Variants in FGF12 observed in about 807,000 individuals in gnomAD.
The protein encoded by FGF12 is fibroblast growth factor 12B.
In FGF12, 14 loss-of-function variants were observed where a neutral mutation model predicts 23.6. That is an observed-to-expected ratio of 0.59 (90% confidence interval 0.39 to 0.93). The LOEUF is 0.93. Ranked by LOEUF, FGF12 falls within the 40% of genes least tolerant of loss-of-function variation. The pLI is 0.00. For synonymous variants in FGF12, 62 were observed against 77.3 expected, an observed-to-expected ratio of 0.80 and a Z score of 1.04; for missense variants, 175 against 217.8, an observed-to-expected ratio of 0.80 and a Z score of 1.24.
intron 2 of FGF12, among the ~76,000 whole-genome samples, chr3:192,692,711 A>G (rs1047408540): frequency 8.7e-6 from 1 of 114,356 alleles, no homozygotes; most frequent in African/African-American, 4.4e-5. Flanking sequence ...GACCCTGTCT[A>G]AAAAAAAAAA....
At position 192,252,462 on chromosome 3, in the gene FGF12, C is replaced by CAAAAAAAAAAAAA. The variant is rs56920518; in HGVS notation, c.229-81819_229-81807dup. 8.4e-4 allele frequency among the ~76,000 whole-genome samples: 23 copies of CAAAAAAAAAAAAA among 27,506 alleles called. 1 individual carries two copies. Among genetic ancestry groups the CAAAAAAAAAAAAA allele is most frequent in the African/African-American group, 2.2e-3 (17 of 7,832 alleles). 18.0% of individuals were successfully genotyped at this position (27,506 alleles called of 152,430 possible). A position where few individuals can be genotyped will look rare whatever the true frequency, so the allele number is the denominator to read the frequency against. On this transcript the variant is annotated intron_variant, in intron 4 of 5. Transcript: ENST00000445105. ...TGGGTAATGGAGTGAGAATCTGTCT[C>CAAAAAAAAAAAAA]AAAAAAAAAAAAAAAAAAAAAAAAA...
intron 5 of FGF12, among the ~76,000 whole-genome samples, chr3:192,145,233 A>C (rs1276316648): frequency 1.3e-5 from 2 of 152,250 alleles, no homozygotes; most frequent in African/African-American, 2.4e-5. Flanking sequence ...AGCAAGTACC[A>C]AAAAATGTTT....
At chr3:192,715,231 T>C (rs1487110438) in intron 2 of FGF12, among the ~76,000 whole-genome samples, 1 of 152,234 alleles carries the variant, frequency 6.6e-6, no homozygotes. Context: ...ACATAATTTG[T>C]AACAGGCTTC....
At chr3:192,159,970 GTGTGTGTGTA>G (rs536959623) in intron 5 of FGF12, among the ~76,000 whole-genome samples, 2,494 of 143,356 alleles carry the variant, frequency 0.017, 73 homozygotes, top group African/African-American at 0.061. Context: ...GTGTGTGTGT[GTGTGTGTGTA>G]CACATTTCAG....
At chr3:192,280,774 C>T (rs1472968765) in intron 4 of FGF12, among the ~76,000 whole-genome samples, 1 of 152,016 alleles carries the variant, frequency 6.6e-6, no homozygotes, top group Non-Finnish European at 1.5e-5. Flanking sequence ...AGAATAAAAC[C>T]AGAAACAACA....
At chr3:192,652,111 T>C (rs1716233667) in intron 2 of FGF12, among the ~76,000 whole-genome samples, 2 of 152,226 alleles carry the variant, frequency 1.3e-5, no homozygotes, top group East Asian at 1.9e-4. Context: ...TCTGGACTTC[T>C]AGATCTTACA....
In FGF12 at chr3:192,329,547, A is replaced by G. The variant is rs1716999726; in HGVS notation, c.228+5814T>C. Among the ~76,000 whole-genome samples, 3 of 152,264 alleles carry G rather than the reference A, an allele frequency of 2.0e-5. No homozygotes were observed. In the South Asian group the frequency reaches 6.2e-4, roughly 32 times the overall value. On this transcript the variant is annotated intron_variant, in intron 4 of 5. Coordinates refer to ENST00000445105, the MANE Select transcript of FGF12 (RefSeq NM_004113.6). Reference sequence around the variant, plus strand: ...GGTTCAGTTCAAACAACTCAAATATAAAAAGATGTGAGTCAATTTACAGAG... The same window carrying G: ...GGTTCAGTTCAAACAACTCAAATATGAAAAGATGTGAGTCAATTTACAGAG...
At chr3:192,295,994 A>C (rs1258870285) in intron 4 of FGF12, among the ~76,000 whole-genome samples, 1 of 146,310 alleles carries the variant, frequency 6.8e-6, no homozygotes, top group African/African-American at 2.5e-5. Flanking sequence ...CGATCCTCCC[A>C]CCTCAGCCTC....
chr3:192,669,387 A>G (rs575135335), intron 2 of FGF12, among the ~76,000 whole-genome samples: 124 of 151,836 alleles, frequency 8.2e-4, no homozygotes, highest in African/African-American at 2.9e-3. Context: ...AGAGATCAAG[A>G]CCATCCTGGC....
chr3:192,678,956 A>C (rs1385933458), intron 2 of FGF12, among the ~76,000 whole-genome samples: 4 of 152,272 alleles, frequency 2.6e-5, no homozygotes, highest in South Asian at 2.1e-4. Context: ...TTTCTGACTC[A>C]GGGGTTATGC....
intron 4 of FGF12, among the ~76,000 whole-genome samples, chr3:192,245,918 T>TA (rs1234266096): frequency 6.6e-6 from 1 of 152,118 alleles, no homozygotes; most frequent in African/African-American, 2.4e-5. Context: ...AATGTAATAG[T>TA]AAAAAAGTGA....
At chr3:192,648,090 G>T (rs1716080925) in intron 2 of FGF12, among the ~76,000 whole-genome samples, 1 of 151,930 alleles carries the variant, frequency 6.6e-6, no homozygotes, top group Non-Finnish European at 1.5e-5. Context: ...CTAGGAGGTG[G>T]CATATTCAGT....
intron 2 of FGF12, among the ~76,000 whole-genome samples, chr3:192,707,793 C>A (rs1718523627): frequency 7.2e-6 from 1 of 138,130 alleles, no homozygotes; most frequent in Non-Finnish European, 1.6e-5. Context: ...GTTTTCTTTT[C>A]TTTTTCTTTC....
Position 192,408,478 on chromosome 3 carries a change from G to A in FGF12, c.14-47940C>T, listed in dbSNP as rs1456768084. The A allele has an allele frequency of 4.5e-6, 6 of 1,332,562 alleles. No individual in the cohort carries two copies. Among genetic ancestry groups the A allele is most frequent in the Non-Finnish European group, 2.9e-6 (3 of 1,044,954 alleles). The allele number at this position is 1,332,562 out of a possible 1,614,324, so 82.5% of individuals were successfully genotyped here. A position where few individuals can be genotyped will look rare whatever the true frequency, so the allele number is the denominator to read the frequency against. ...GGCGGCCGGGGGGCGGGGCGGGGCGGTCCCAGGCCCTCTTGCGAAGTAGAC... is the reference window on the plus strand; with the variant it reads ...GGCGGCCGGGGGGCGGGGCGGGGCGATCCCAGGCCCTCTTGCGAAGTAGAC... On this transcript the variant is annotated intron_variant, in intron 2 of 5. Transcript: ENST00000445105. This position sits in a 1 kb window ranked among gnomAD's most constrained non-coding sequence, Gnocchi z 7.3.
chr3:192,464,544 G>A (rs943021106), intron 2 of FGF12, among the ~76,000 whole-genome samples: 3 of 128,742 alleles, frequency 2.3e-5, no homozygotes, highest in Non-Finnish European at 3.4e-5. Context: ...GTGTGTGTGT[G>A]TATGACATTT....
chr3:192,326,791 A>G (rs1028436842), intron 4 of FGF12, among the ~76,000 whole-genome samples: 7 of 152,220 alleles, frequency 4.6e-5, no homozygotes, highest in Non-Finnish European at 1.0e-4. Context: ...AATATTGATT[A>G]AAGAAATGAA....
intron 2 of FGF12, among the ~76,000 whole-genome samples, chr3:192,565,133 T>G (rs1712217040): frequency 6.6e-6 from 1 of 152,216 alleles, no homozygotes; most frequent in Admixed American, 6.5e-5. Context: ...CATAGACAAA[T>G]CATGAGATGA....
intron 2 of FGF12, among the ~76,000 whole-genome samples, chr3:192,529,132 C>G (rs1253326070): frequency 6.6e-6 from 1 of 152,178 alleles, no homozygotes; most frequent in Admixed American, 6.5e-5. Context: ...ATTTTCCCAA[C>G]TTTTACGCTC....
intron 2 of FGF12, among the ~76,000 whole-genome samples, chr3:192,429,343 G>A (rs934826482): frequency 4.9e-4 from 74 of 152,230 alleles, no homozygotes; most frequent in African/African-American, 1.8e-3. Context: ...GGAGGAGCTT[G>A]TCCTCTATAC....
Sources: gnomAD v4.1 joint callset for allele counts (sites outside exome capture counted in the v4.1 genomes callset) on GRCh38, gnomAD v4.1.1 for gene constraint, Gnocchi (gnomAD v3.1) non-coding constraint, MANE v1.5 for transcripts, NCBI Gene and HGNC (gene_info 2026-07-23, HGNC 2026-07-21) for gene names.